Variants in ANKS1B observed in about 807,000 individuals in gnomAD.
The protein encoded by ANKS1B is ankyrin repeat and sterile alpha motif domain-containing protein 1B.
In ANKS1B, 36 loss-of-function variants were observed where a neutral mutation model predicts 148.3. The observed-to-expected ratio is 0.24, with a 90% CI of 0.19 to 0.32. The LOEUF (loss-of-function observed/expected upper bound fraction) is 0.32. ANKS1B is among the 10% of genes least tolerant of loss of function. The pLI, the probability that ANKS1B is intolerant of heterozygous loss-of-function variation, is 1.00. For missense variants in ANKS1B, 1,157 were observed against 1,542.6 expected (o/e 0.75, Z 4.19); for synonymous variants, 542 against 560.8 (o/e 0.97, Z 0.47).
chr12:99,737,179 C>G (rs189915777), intron 8 of ANKS1B, among the ~76,000 whole-genome samples: 1 of 152,096 alleles, frequency 6.6e-6, no homozygotes, highest in Non-Finnish European at 1.5e-5. Context: ...AATCACACTG[C>G]TGGTTATTTA....
intron 8 of ANKS1B, among the ~76,000 whole-genome samples, chr12:99,686,147 T>C (rs2098648383): frequency 6.6e-6 from 1 of 152,118 alleles, no homozygotes; most frequent in Non-Finnish European, 1.5e-5. Flanking sequence ...ATAATAGTAA[T>C]TTTAAAAATA....
intron 25 of ANKS1B, among the ~76,000 whole-genome samples, chr12:98,765,506 C>T (rs1214370579): frequency 6.6e-6 from 1 of 151,576 alleles, no homozygotes; most frequent in Admixed American, 6.6e-5. Context: ...TCAGGAGATC[C>T]ACCTGCCTCA....
intron 17 of ANKS1B, among the ~76,000 whole-genome samples, chr12:99,042,162 C>A (rs2099959471): frequency 6.6e-6 from 1 of 152,186 alleles, no homozygotes; most frequent in African/African-American, 2.4e-5. Flanking sequence ...TGTGATTTTG[C>A]AGTTGCTCCT....
chr12:98,861,163 C>T (rs888240624), intron 17 of ANKS1B, among the ~76,000 whole-genome samples: 13 of 152,160 alleles, frequency 8.5e-5, no homozygotes, highest in African/African-American at 3.1e-4. Flanking sequence ...GCTTCCCCTT[C>T]GGAGTTTATG....
chr12:99,587,904 TAGAGCAGTTA>T (rs2097659707), intron 9 of ANKS1B, among the ~76,000 whole-genome samples: 1 of 152,026 alleles, frequency 6.6e-6, no homozygotes, highest in African/African-American at 2.4e-5. Flanking sequence ...GAGTATCCAA[TAGAGCAGTTA>T]AGAGAAGAAA....
At position 99,874,022 on chromosome 12, in the gene ANKS1B, C is replaced by CATATATATATATATATATATATAT. The variant is rs150860727; in HGVS notation, c.135-48634_135-48633insATATATATATATATATATATATAT. ...TAAATCTCTCTCTCTCTCTCTCTCA[C>CATATATATATATATATATATATAT]ATATATATATATATATATCCTGTTG... On this transcript the variant is annotated intron_variant, in intron 1 of 26. Transcript: ENST00000683438. Among the ~76,000 whole-genome samples, 32 of 137,892 alleles carry CATATATATATATATATATATATAT rather than the reference C, an allele frequency of 2.3e-4. 2 individuals carry two copies. Among genetic ancestry groups the CATATATATATATATATATATATAT allele is most frequent in the African/African-American group, 9.8e-4 (31 of 31,524 alleles). 90.5% of individuals were successfully genotyped at this position (137,892 alleles called of 152,430 possible).
chr12:99,974,824 G>T (rs2095606227), intron 1 of ANKS1B, among the ~76,000 whole-genome samples: 1 of 152,044 alleles, frequency 6.6e-6, no homozygotes, highest in Non-Finnish European at 1.5e-5. Flanking sequence ...CAAAGAGCTG[G>T]GATTACGGGC....
intron 8 of ANKS1B, among the ~76,000 whole-genome samples, chr12:99,678,269 A>T (rs1413440304): frequency 1.3e-5 from 2 of 152,166 alleles, no homozygotes; most frequent in South Asian, 4.1e-4. Context: ...TGATTCCAGG[A>T]AGATGGCAGC....
chr12:99,983,383 G>A (rs1262220815), intron 1 of ANKS1B, among the ~76,000 whole-genome samples: 1 of 152,054 alleles, frequency 6.6e-6, no homozygotes, highest in African/African-American at 2.4e-5. Flanking sequence ...GATTCTCCAA[G>A]CAATACCAGT....
Position 99,798,423 on chromosome 12 carries a change from T to TAAA in ANKS1B, c.669+7978_669+7980dup, listed in dbSNP as rs61020616. ...TAGCCACGTGGGCACCTCTTGGAAT[T>TAAA]AAAAAAAAAAAAAAAAAAAACAAAA... On this transcript the variant is annotated intron_variant, in intron 4 of 26. Coordinates refer to ENST00000683438, the MANE Select transcript of ANKS1B (RefSeq NM_001352186.2). 2.6e-3 allele frequency among the ~76,000 whole-genome samples: 201 copies of TAAA among 78,606 alleles called. 3 individuals are homozygous for TAAA. The East Asian group carries it at 0.059, about 23-fold the overall frequency. 51.6% of individuals were successfully genotyped at this position (78,606 alleles called of 152,430 possible).
intron 9 of ANKS1B, among the ~76,000 whole-genome samples, chr12:99,592,978 T>C (rs1309779180): frequency 6.6e-6 from 1 of 152,116 alleles, no homozygotes; most frequent in East Asian, 1.9e-4. Context: ...TCAATAGAAA[T>C]GAATGTCTAG....
At chr12:99,319,486 C>T (rs537487521) in intron 12 of ANKS1B, among the ~76,000 whole-genome samples, 41 of 152,254 alleles carry the variant, frequency 2.7e-4, no homozygotes, top group African/African-American at 9.1e-4. Flanking sequence ...GAGACTAGGA[C>T]TGCAACCCCT....
chr12:99,526,272 C>CT (rs1212155495), intron 9 of ANKS1B, among the ~76,000 whole-genome samples: 1 of 152,126 alleles, frequency 6.6e-6, no homozygotes. Context: ...TACAGGAGAT[C>CT]GTTAGAAAGC....
chr12:99,667,184 A>G (rs2098512645), intron 8 of ANKS1B, among the ~76,000 whole-genome samples: 2 of 151,980 alleles, frequency 1.3e-5, no homozygotes, highest in Admixed American at 1.3e-4. Flanking sequence ...TGTCTCTACT[A>G]AAAATACAAA....
rs187234709 is a variant in ANKS1B at position 99,805,421 on chromosome 12, C to T, written c.669+983G>A. 8.0e-3 allele frequency among the ~76,000 whole-genome samples: 1,211 copies of T among 151,936 alleles called. 7 individuals are homozygous for T. The highest frequency in any genetic ancestry group is 0.013 in the Non-Finnish European group (876 of 67,930). On this transcript the variant is annotated intron_variant, in intron 4 of 26. Transcript: ENST00000683438. ...GAAGGATTGCTTGAGCCCAGGAGTT[C>T]AAGACTAGCCTGAGCAACAGAGCAA...
intron 17 of ANKS1B, among the ~76,000 whole-genome samples, chr12:98,932,274 CAT>C (rs1198470502): frequency 6.6e-6 from 1 of 152,160 alleles, no homozygotes; most frequent in Non-Finnish European, 1.5e-5. Flanking sequence ...TTTCTTTAGT[CAT>C]AGTCACTTGT....
chr12:99,731,861 G>A (rs935651134), intron 8 of ANKS1B, among the ~76,000 whole-genome samples: 4 of 152,086 alleles, frequency 2.6e-5, no homozygotes, highest in Non-Finnish European at 5.9e-5. Flanking sequence ...GATACTGTTT[G>A]AAAAATTAAA....
intron 17 of ANKS1B, among the ~76,000 whole-genome samples, chr12:98,893,871 G>A (rs754698122): frequency 4.9e-4 from 74 of 152,194 alleles, no homozygotes; most frequent in Non-Finnish European, 9.4e-4. Context: ...TTTCTTGGAG[G>A]AAAAATAAAC....
chr12:99,609,753 G>A (rs1337043487), intron 9 of ANKS1B, among the ~76,000 whole-genome samples: 1 of 152,002 alleles, frequency 6.6e-6, no homozygotes, highest in South Asian at 2.1e-4. Flanking sequence ...CCCTGAGAGG[G>A]AAAGGATCCA....
Sources: gnomAD v4.1 joint callset for allele counts (sites outside exome capture counted in the v4.1 genomes callset) on GRCh38, gnomAD v4.1.1 for gene constraint, MANE v1.5 for transcripts, NCBI Gene and HGNC (gene_info 2026-07-23, HGNC 2026-07-21) for gene names.